ADAMTS7: variants seen among roughly 807,000 people sequenced by gnomAD.
ADAMTS7 encodes ADAM metallopeptidase with thrombospondin type 1 motif 7.
Under a neutral mutation model 172.6 loss-of-function variants are expected in ADAMTS7, and 89 were observed. The ratio of observed to expected loss-of-function variants is 0.52; its 90% CI spans 0.43 to 0.61. The LOEUF is 0.61. Ranked by LOEUF, ADAMTS7 falls within the 20% of genes least tolerant of loss-of-function variation. The pLI is 0.00. For synonymous variants in ADAMTS7, 885 were observed against 978.4 expected, an observed-to-expected ratio of 0.90 and a Z score of 1.78; for missense variants, 1,973 against 2,355.6, an observed-to-expected ratio of 0.84 and a Z score of 3.36.
chr15:78,811,309 G>A lies in ADAMTS7; in HGVS notation c.-89C>T. 8.3e-7 allele frequency: 1 copy of A among 1,211,468 alleles called. No homozygotes were observed. Among genetic ancestry groups the A allele is most frequent in the Non-Finnish European group, 1.0e-6 (1 of 973,898 alleles). The allele number at this position is 1,211,468 out of a possible 1,614,324, so 75.0% of individuals were successfully genotyped here. Reference sequence around the variant, plus strand: ...CTGCCTGGTCCCAGGTCCGGCTCAGGACATGCCCGGCCGGCGTGCAGCTCC... The same window carrying A: ...CTGCCTGGTCCCAGGTCCGGCTCAGAACATGCCCGGCCGGCGTGCAGCTCC... On this transcript the variant is annotated 5_prime_UTR_variant, in exon 1 of 24. Transcript: ENST00000388820.
intron 8 of ADAMTS7, among the ~76,000 whole-genome samples, chr15:78,786,693 C>T (rs900814530): frequency 6.6e-6 from 1 of 152,116 alleles, no homozygotes; most frequent in East Asian, 1.9e-4. Context: ...GTGCACATAC[C>T]AAGGAGTGAG....
rs533627418 is a variant in ADAMTS7, at chr15:78,777,969, G to A, written c.1323-381C>T. On this transcript the variant is annotated intron_variant, in intron 8 of 23. Coordinates refer to ENST00000388820, the MANE Select transcript of ADAMTS7 (RefSeq NM_014272.5). ...CTGGAGCCAGGCCCGACAAGGATCC[G>A]GAGAACATCACATCACAGTTGACAC... Among the ~76,000 whole-genome samples, 10 of 152,296 alleles carry A rather than the reference G, an allele frequency of 6.6e-5. No homozygotes were observed. In the South Asian group the frequency reaches 1.7e-3, roughly 25 times the overall value.
intron 2 of ADAMTS7, 105 bp downstream of exon 2, chr15:78,800,087 G>C (rs1037998972): frequency 2.0e-6 from 2 of 1,023,888 alleles, no homozygotes; most frequent in African/African-American, 3.4e-5. Flanking sequence ...CAGAGAAAAA[G>C]TGCACTGGGC....
At chr15:78,775,043 G>A (rs35934157) in intron 11 of ADAMTS7, among the ~76,000 whole-genome samples, 41,320 of 152,146 alleles carry the variant, frequency 0.27, 7,140 homozygotes, top group Non-Finnish European at 0.4. Flanking sequence ...TGTGACCGTG[G>A]GCAAGTCTTC....
chr15:78,807,917 C>T (rs147472165), intron 1 of ADAMTS7, among the ~76,000 whole-genome samples: 151 of 151,050 alleles, frequency 1.0e-3, no homozygotes, highest in African/African-American at 3.5e-3. Flanking sequence ...TGCAGTGATG[C>T]GATCGTGGTT....
chr15:78,776,641 G>T, intron 10 of ADAMTS7, 108 bp downstream of exon 10: 1 of 1,187,620 alleles, frequency 8.4e-7, no homozygotes. Flanking sequence ...GTGGGGCTCT[G>T]CTAGGAGCAC....
In ADAMTS7 at chr15:78,764,028, T is replaced by C. The variant is rs751182871; in HGVS notation, c.4491A>G (p.Pro1497=). The C allele has an allele frequency of 1.9e-6, 3 of 1,540,992 alleles. No individual in the cohort carries two copies. The South Asian group carries it at 3.6e-5, about 19-fold the overall frequency. ...CGGGCTGACAATGGAAGGGCCGCAG[T>C]GGCCGGAGGTCCCGTGTGTCCACAC... ...VQCVDTRDLR[P]LRPFHCQPGP... is the part of the protein sequence containing the mutation. Residue 1497 remains proline, a synonymous_variant, in exon 21 of 24, where the codon CCA becomes CCG. Transcript: ENST00000388820.
chr15:78,771,800 C>T lies in ADAMTS7; in HGVS notation c.2161G>A (p.Gly721Ser), dbSNP rs762498672. 1.2e-6 allele frequency: 2 copies of T among 1,612,378 alleles called. No individual in the cohort carries two copies. The highest frequency in any genetic ancestry group is 1.1e-5 in the South Asian group (1 of 91,050). ...GYVDVGLIPAGAREIRIQEVA... is the reference protein window; with the variant it reads ...GYVDVGLIPASAREIRIQEVA... Reference sequence around the variant, plus strand: ...TCTTGGATGCGGATCTCGCGTGCGCCCGCTGGGATCAGCCCCACATCCACA... The same window carrying T: ...TCTTGGATGCGGATCTCGCGTGCGCTCGCTGGGATCAGCCCCACATCCACA... Residue 721 changes from glycine to serine, a missense_variant, in exon 15 of 24, where the codon GGC (glycine) becomes AGC (serine). Transcript: ENST00000388820. This position sits in a 1 kb window ranked among gnomAD's most constrained non-coding sequence, Gnocchi z 4.9.
chr15:78,798,156 C>T, intron 2 of ADAMTS7, 43 bp from the exon 3 acceptor site: 1 of 1,504,942 alleles, frequency 6.6e-7, no homozygotes. Context: ...GGCTGGCCCT[C>T]AGCTGCTCTT....
At chr15:78,774,130 G>A in intron 13 of ADAMTS7, 37 bp downstream of exon 13, 1 of 1,587,140 alleles carries the variant, frequency 6.3e-7, no homozygotes, top group Non-Finnish European at 8.5e-7. Context: ...GCTGGGGGCA[G>A]GCAGTGCTGG....
Position 78,798,003 on chromosome 15 carries a change from C to T in ADAMTS7, c.567G>A (p.Pro189=), listed in dbSNP as rs755448884. 37 of 1,587,522 alleles carry T rather than the reference C, an allele frequency of 2.3e-5. 1 individual carries two copies. The Admixed American group carries it at 3.9e-4, about 17-fold the overall frequency. ...AATCACCCCGCTGTGCCAGCCTCTCCGGGGCCTGACGCTTGTACACCACAT... is the reference window on the plus strand; with the variant it reads ...AATCACCCCGCTGTGCCAGCCTCTCTGGGGCCTGACGCTTGTACACCACAT... ...QPHVVYKRQA[P]ERLAQRGDSS... is the part of the protein sequence containing the mutation. Residue 189 remains proline (P), a synonymous_variant, in exon 3 of 24, where the codon CCG becomes CCA. Coordinates refer to ENST00000388820, the MANE Select transcript of ADAMTS7 (RefSeq NM_014272.5).
rs117498479 is a variant in ADAMTS7, at chr15:78,792,387, C to T, written c.820-1164G>A. Among the ~76,000 whole-genome samples, 1,573 of 152,316 alleles carry T rather than the reference C, an allele frequency of 0.01. 33 individuals are homozygous for T. In the East Asian group the frequency reaches 0.11, roughly 11 times the overall value. On this transcript the variant is annotated intron_variant, in intron 4 of 23. Transcript: ENST00000388820. ...TCTGCTCAGTTGTTGAGGTCTCCTACGAGTGTCCCCATATTCTGCGGCCCC... is the reference window on the plus strand; with the variant it reads ...TCTGCTCAGTTGTTGAGGTCTCCTATGAGTGTCCCCATATTCTGCGGCCCC...
intron 1 of ADAMTS7, among the ~76,000 whole-genome samples, chr15:78,809,221 A>G (rs1392940281): frequency 6.6e-6 from 1 of 152,208 alleles, no homozygotes; most frequent in African/African-American, 2.4e-5. Flanking sequence ...GAAAAGGGAT[A>G]TATTTTCCTA....
intron 13 of ADAMTS7, among the ~76,000 whole-genome samples, chr15:78,773,810 T>G (rs552998981): frequency 2.8e-4 from 42 of 152,310 alleles, no homozygotes; most frequent in African/African-American, 8.9e-4. Flanking sequence ...CCACTGCCTG[T>G]GGTCAGCCAG....
chr15:78,759,707 C>T (rs1261873627), intron 23 of ADAMTS7, 129 bp from the exon 24 acceptor site: 11 of 1,225,604 alleles, frequency 9.0e-6, no homozygotes, highest in East Asian at 2.9e-5. Flanking sequence ...GTTTCTGGAG[C>T]GGCTCCCGAA....
intron 4 of ADAMTS7, among the ~76,000 whole-genome samples, chr15:78,792,898 C>T (rs1210831056): frequency 6.6e-6 from 1 of 152,110 alleles, no homozygotes; most frequent in African/African-American, 2.4e-5. Flanking sequence ...TCTTGCTATC[C>T]TTGGGACAGA....
chr15:78,788,770 T>C (rs183342335), intron 7 of ADAMTS7, among the ~76,000 whole-genome samples: 35 of 152,352 alleles, frequency 2.3e-4, no homozygotes, highest in African/African-American at 8.2e-4. Flanking sequence ...CCCAAGGCTG[T>C]GCACTTGAGT....
rs1202424767 is a variant in ADAMTS7 at position 78,776,853 on chromosome 15, A to C, written c.1468-12T>G. The C allele has an allele frequency of 2.0e-5, 30 of 1,535,068 alleles. No homozygotes were observed. Among genetic ancestry groups the C allele is most frequent in the Non-Finnish European group, 2.6e-5 (30 of 1,137,820 alleles). On this transcript the variant is annotated splice_polypyrimidine_tract_variant and intron_variant, in intron 9 of 23. Coordinates refer to ENST00000388820, the MANE Select transcript of ADAMTS7 (RefSeq NM_014272.5). ...GTGTGGCAGACATTCTGCGAGGAGG[A>C]GGGCATGGGCCATACCCTCACACCC...
In ADAMTS7 at chr15:78,798,045, A is replaced by G. The variant is rs1195876417; in HGVS notation, c.525T>C (p.Pro175=). 6.4e-7 allele frequency: 1 copy of G among 1,570,928 alleles called. No individual in the cohort carries two copies. Among genetic ancestry groups the G allele is most frequent in the Non-Finnish European group, 8.6e-7 (1 of 1,165,638 alleles). The change falls in exon 3 of 24, where the codon CCT becomes CCC. Residue 175 remains proline, a synonymous_variant. Coordinates refer to ENST00000388820, the MANE Select transcript of ADAMTS7 (RefSeq NM_014272.5). ...IEPLDSAPAR[P]GHAQPHVVYK... is the part of the protein sequence containing the mutation. ...ACACCACATGGGGCTGGGCGTGGCCAGGCCGGGCCGGGGCACTGTCCAGGG... is the reference window on the plus strand; with the variant it reads ...ACACCACATGGGGCTGGGCGTGGCCGGGCCGGGCCGGGGCACTGTCCAGGG...
Sources: allele counts gnomAD v4.1 joint callset (sites outside exome capture counted in the v4.1 genomes callset), GRCh38; gene constraint gnomAD v4.1.1; non-coding constraint Gnocchi (gnomAD v3.1); transcripts MANE v1.5; gene names NCBI Gene and HGNC (gene_info 2026-07-23, HGNC 2026-07-21).